The following CDK19 variants were observed in gnomAD, a reference collection of about 807,000 sequenced individuals.
The protein encoded by CDK19 is cyclin dependent kinase 19, also known as cyclin-dependent kinase 19.
Under a neutral mutation model 68.3 loss-of-function variants are expected in CDK19, and 20 were observed. That is an observed-to-expected ratio of 0.29 (90% CI 0.21 to 0.43). The LOEUF is 0.43. CDK19 is among the 20% of genes least tolerant of loss of function. The pLI, the probability that CDK19 is intolerant of heterozygous loss-of-function variation, is 1.00. For synonymous variants in CDK19, 221 were observed against 222.8 expected, an observed-to-expected ratio of 0.99 and a Z score of 0.07; for missense variants, 339 against 623.5, an observed-to-expected ratio of 0.54 and a Z score of 4.86.
intron 4 of CDK19, among the ~76,000 whole-genome samples, chr6:110,647,175 G>A (rs1320905402): frequency 2.0e-5 from 3 of 152,114 alleles, no homozygotes; most frequent in Non-Finnish European, 4.4e-5. Flanking sequence ...GTAGCGCACC[G>A]TCCAGCTGGG....
chr6:110,714,920 A>G (rs113989282), intron 2 of CDK19, among the ~76,000 whole-genome samples: 7,124 of 151,306 alleles, frequency 0.047, 172 homozygotes, highest in Middle Eastern at 0.079. Context: ...TTTTAGTAGA[A>G]ACGGGATTTC....
chr6:110,643,331 CA>C, intron 4 of CDK19: 1 of 493,196 alleles, frequency 2.0e-6, no homozygotes, highest in Non-Finnish European at 3.5e-6. Context: ...AAGTAAAAGG[CA>C]AACTGCCAAA....
At chr6:110,771,155 G>A (rs1779990382) in intron 1 of CDK19, among the ~76,000 whole-genome samples, 3 of 150,096 alleles carry the variant, frequency 2.0e-5, no homozygotes, top group African/African-American at 7.3e-5. Flanking sequence ...TGCCCCACTA[G>A]GGGCTCTGTG....
At chr6:110,657,907 T>G (rs1296308565) in intron 4 of CDK19, among the ~76,000 whole-genome samples, 1 of 152,198 alleles carries the variant, frequency 6.6e-6, no homozygotes, top group African/African-American at 2.4e-5. Context: ...ATGGAATAAC[T>G]GGTGAAGCAT....
chr6:110,769,913 T>C (rs1779891634), intron 1 of CDK19, among the ~76,000 whole-genome samples: 2 of 152,182 alleles, frequency 1.3e-5, no homozygotes, highest in South Asian at 4.1e-4. Flanking sequence ...CCTGCAAATG[T>C]ATGAAAGGCT....
chr6:110,650,179 A>T (rs931141585), intron 4 of CDK19, among the ~76,000 whole-genome samples: 4 of 152,250 alleles, frequency 2.6e-5, no homozygotes, highest in African/African-American at 9.6e-5. Flanking sequence ...TTAAAACCAG[A>T]CAAAGCTAAA....
intron 1 of CDK19, chr6:110,814,580 G>A (rs1783423530): frequency 1.3e-5 from 6 of 457,968 alleles, no homozygotes; most frequent in Middle Eastern, 6.5e-4. Context: ...CGCCGCCCCC[G>A]CGAGGCGCTC....
intron 1 of CDK19, among the ~76,000 whole-genome samples, chr6:110,767,480 A>G (rs2114978851): frequency 6.8e-6 from 1 of 148,046 alleles, no homozygotes; most frequent in South Asian, 2.3e-4. Flanking sequence ...TCAGCCTCCC[A>G]AGTAACTGGG....
intron 4 of CDK19, chr6:110,646,319 C>T: frequency 6.7e-7 from 1 of 1,484,922 alleles, no homozygotes; most frequent in Non-Finnish European, 8.9e-7. Context: ...ACTACCTGCG[C>T]GAACGGGCCC....
chr6:110,671,075 G>GA (rs978001750), intron 2 of CDK19, among the ~76,000 whole-genome samples: 1 of 150,852 alleles, frequency 6.6e-6, no homozygotes, highest in African/African-American at 2.4e-5. Context: ...GTGGTTGAGG[G>GA]TTTTTTTTTG....
At chr6:110,696,182 G>A (rs1269352220) in intron 2 of CDK19, among the ~76,000 whole-genome samples, 2 of 152,166 alleles carry the variant, frequency 1.3e-5, no homozygotes, top group African/African-American at 2.4e-5. Flanking sequence ...GTGATACAGG[G>A]ATGGTTTAAC....
intron 2 of CDK19, among the ~76,000 whole-genome samples, chr6:110,737,155 C>T (rs569278172): frequency 1.6e-4 from 24 of 152,238 alleles, no homozygotes; most frequent in African/African-American, 5.5e-4. Context: ...CTTAGGGTGG[C>T]GGAAATGGAA....
intron 4 of CDK19, among the ~76,000 whole-genome samples, chr6:110,660,710 C>A (rs577176477): frequency 3.9e-5 from 6 of 152,312 alleles, no homozygotes; most frequent in Admixed American, 3.9e-4. Flanking sequence ...CTTCTGAAGT[C>A]AAGCTGCTTA....
intron 2 of CDK19, among the ~76,000 whole-genome samples, chr6:110,738,646 T>C (rs1442196861): frequency 6.6e-6 from 1 of 152,154 alleles, no homozygotes. Context: ...ATTTTAAGCT[T>C]GGTAGAAATT....
chr6:110,686,445 A>T (rs557425176), intron 2 of CDK19, among the ~76,000 whole-genome samples: 1 of 152,350 alleles, frequency 6.6e-6, no homozygotes, highest in African/African-American at 2.4e-5. Context: ...TGCAAACATC[A>T]GATAAAATCC....
chr6:110,735,981 G>A (rs574572398), intron 2 of CDK19, among the ~76,000 whole-genome samples: 26 of 152,292 alleles, frequency 1.7e-4, no homozygotes, highest in African/African-American at 5.5e-4. Flanking sequence ...GTGAACTGCT[G>A]CACGGCATAC....
intron 2 of CDK19, among the ~76,000 whole-genome samples, chr6:110,671,154 G>A (rs6923931): frequency 0.019 from 2,902 of 152,016 alleles, 98 homozygotes; most frequent in African/African-American, 0.067. Context: ...AACAGGTCCT[G>A]TAAACAGAAA....
chr6:110,791,307 T>C (rs1362690890), intron 1 of CDK19, among the ~76,000 whole-genome samples: 3 of 151,840 alleles, frequency 2.0e-5, no homozygotes, highest in Non-Finnish European at 2.9e-5. Flanking sequence ...GAACAGTGAT[T>C]TTGGGAGGAA....
intron 4 of CDK19, chr6:110,643,337 G>T: frequency 2.1e-6 from 1 of 468,822 alleles, no homozygotes; most frequent in Admixed American, 3.0e-5. Flanking sequence ...AAGGCAAACT[G>T]CCAAAGGAAA....
Sources: allele counts gnomAD v4.1 joint callset (sites outside exome capture counted in the v4.1 genomes callset), GRCh38; gene constraint gnomAD v4.1.1; transcripts MANE v1.5; gene names NCBI Gene and HGNC (gene_info 2026-07-23, HGNC 2026-07-21).